BRD10: variants seen among roughly 807,000 people sequenced by gnomAD.
BRD10 encodes the protein uncharacterized bromodomain-containing protein 10.
the BRD10 span, among the ~76,000 whole-genome samples, chr9:5,932,518 C>CACATTT: frequency 6.6e-6 from 1 of 152,028 alleles, no homozygotes. Context: ...GTATTTAAAT[C>CACATTT]ACATTTACAT....
the BRD10 span, among the ~76,000 whole-genome samples, chr9:5,935,444 G>C: frequency 6.6e-6 from 1 of 152,152 alleles, no homozygotes. Context: ...CACTATCACC[G>C]GGGAAGAAAA....
chr9:5,885,990 T>C, the BRD10 span, among the ~76,000 whole-genome samples: 2 of 152,186 alleles, frequency 1.3e-5, no homozygotes, highest in Non-Finnish European at 2.9e-5. Context: ...TCCCCAAATC[T>C]TTTGAGCCAG....
chr9:5,895,586 T>C, the BRD10 span, among the ~76,000 whole-genome samples: 78,754 of 152,022 alleles, frequency 0.52, 22,931 homozygotes, highest in Non-Finnish European at 0.67. Context: ...ATTATGTATC[T>C]CTTTGAAACC....
the BRD10 span, among the ~76,000 whole-genome samples, chr9:5,979,765 C>A: frequency 6.6e-6 from 1 of 151,668 alleles, no homozygotes; most frequent in Non-Finnish European, 1.5e-5. Flanking sequence ...CCTATAATTC[C>A]AGCACTTTGG....
At chr9:5,931,812 C>A in the BRD10 span, among the ~76,000 whole-genome samples, 2 of 152,090 alleles carry the variant, frequency 1.3e-5, no homozygotes, top group African/African-American at 4.8e-5. Context: ...ACCCCTATAC[C>A]CTGCCATGGA....
chr9:5,897,485 C>A, the BRD10 span: 1 of 1,381,192 alleles, frequency 7.2e-7, no homozygotes, highest in Non-Finnish European at 1.0e-6. Flanking sequence ...AAGAGGAAGA[C>A]TGATTTATGC....
the BRD10 span, chr9:5,944,771 T>A: frequency 1.9e-6 from 1 of 534,450 alleles, no homozygotes; most frequent in African/African-American, 2.0e-5. Flanking sequence ...TAAATTTTCA[T>A]GTAATCCAGG....
At chr9:5,984,665 A>G in the BRD10 span, among the ~76,000 whole-genome samples, 5 of 152,216 alleles carry the variant, frequency 3.3e-5, no homozygotes, top group Admixed American at 1.3e-4. Flanking sequence ...TTACTGTACT[A>G]AAGTTTGTAT....
At chr9:5,960,348 G>C in the BRD10 span, among the ~76,000 whole-genome samples, 4 of 152,128 alleles carry the variant, frequency 2.6e-5, no homozygotes, top group Admixed American at 2.0e-4. Flanking sequence ...GATCACCTGA[G>C]GTCAGGAGTT....
chr9:5,998,092 A>T, the BRD10 span, among the ~76,000 whole-genome samples: 1 of 152,156 alleles, frequency 6.6e-6, no homozygotes, highest in African/African-American at 2.4e-5. Flanking sequence ...CTCTAAGACT[A>T]AACTTAGTAA....
At chr9:5,925,730 C>G in the BRD10 span, among the ~76,000 whole-genome samples, 1 of 152,108 alleles carries the variant, frequency 6.6e-6, no homozygotes, top group Non-Finnish European at 1.5e-5. Flanking sequence ...GAAAAGTAAT[C>G]TTTCACAGAG....
chr9:5,942,668 A>T, the BRD10 span, among the ~76,000 whole-genome samples: 1 of 152,172 alleles, frequency 6.6e-6, no homozygotes, highest in Non-Finnish European at 1.5e-5. Flanking sequence ...TAATCTCAGT[A>T]AGATTATCCC....
the BRD10 span, chr9:5,968,164 T>A: frequency 1.9e-6 from 3 of 1,603,240 alleles, no homozygotes; most frequent in Non-Finnish European, 1.7e-6. Flanking sequence ...TCAATTTCTT[T>A]TTTTTCTTTT....
At chr9:5,974,758 A>C in the BRD10 span, among the ~76,000 whole-genome samples, 1 of 152,192 alleles carries the variant, frequency 6.6e-6, no homozygotes, top group African/African-American at 2.4e-5. Flanking sequence ...ACAGGGACAA[A>C]CTTACAAGAT....
the BRD10 span, among the ~76,000 whole-genome samples, chr9:5,903,379 A>G: frequency 6.6e-6 from 1 of 152,164 alleles, no homozygotes; most frequent in Non-Finnish European, 1.5e-5. Flanking sequence ...CACAGTATAT[A>G]ATTCCTTTTA....
At chr9:5,921,669 C>G in the BRD10 span, 3 of 1,613,768 alleles carry the variant, frequency 1.9e-6, no homozygotes, top group African/African-American at 4.0e-5. Flanking sequence ...GTGATATAAT[C>G]TACTTGTTGC....
the BRD10 span, chr9:5,890,689 C>T: frequency 1.3e-5 from 2 of 152,034 alleles, no homozygotes; most frequent in African/African-American, 4.8e-5. Context: ...AAATGGCTTC[C>T]CTAGGATAGA....
At chr9:5,947,983 A>G in the BRD10 span, among the ~76,000 whole-genome samples, 11 of 152,206 alleles carry the variant, frequency 7.2e-5, no homozygotes, top group Admixed American at 3.9e-4. Flanking sequence ...GTCAGGTCAC[A>G]TTGCTAACAC....
At chr9:5,908,796 G>A in the BRD10 span, 4 of 1,328,166 alleles carry the variant, frequency 3.0e-6, no homozygotes, top group South Asian at 3.7e-5. Flanking sequence ...TTCTCCTTTG[G>A]AATGGTGTAG....
Sources: gnomAD v4.1 joint callset for allele counts (sites outside exome capture counted in the v4.1 genomes callset) on GRCh38, gnomAD v4.1.1 for gene constraint, MANE v1.5 for transcripts, NCBI Gene and HGNC (gene_info 2026-07-23, HGNC 2026-07-21) for gene names.